The following VPS41 variants were observed in gnomAD, a reference collection of about 807,000 sequenced individuals.
VPS41 encodes the protein vacuolar protein sorting-associated protein 41 homolog.
A neutral mutation model predicts 130.9 loss-of-function variants in VPS41; 85 were observed. That is an observed-to-expected ratio of 0.65 (90% confidence interval 0.55 to 0.78). VPS41 has a LOEUF of 0.78. VPS41 is among the 30% of genes least tolerant of loss of function. VPS41 has a pLI of 0.00. For missense variants in VPS41, 874 were observed against 1,018.7 expected, an observed-to-expected ratio of 0.86 and a Z score of 1.93; for synonymous variants, 335 against 332.9, an observed-to-expected ratio of 1.01 and a Z score of -0.07.
intron 4 of VPS41, among the ~76,000 whole-genome samples, chr7:38,854,832 C>T (rs1163528007): frequency 2.3e-5 from 3 of 130,406 alleles, no homozygotes; most frequent in Non-Finnish European, 4.7e-5. Flanking sequence ...ACAAAAGTAC[C>T]GTACGTTCAA....
intron 7 of VPS41, among the ~76,000 whole-genome samples, chr7:38,803,062 C>A (rs182832587): frequency 1.3e-5 from 2 of 152,302 alleles, no homozygotes; most frequent in East Asian, 3.9e-4. Flanking sequence ...TCAATATGAG[C>A]CCTCACATCC....
intron 22 of VPS41, among the ~76,000 whole-genome samples, chr7:38,750,262 G>C (rs2286090): frequency 0.34 from 51,434 of 152,058 alleles, 9,398 homozygotes; most frequent in Admixed American, 0.55. Flanking sequence ...TGATAGGGTA[G>C]AGTGCTATGT....
intron 1 of VPS41, among the ~76,000 whole-genome samples, chr7:38,907,671 T>C (rs1185841144): frequency 6.6e-6 from 1 of 152,248 alleles, no homozygotes; most frequent in Non-Finnish European, 1.5e-5. Context: ...TAAATTCTTC[T>C]TCTGCACTAA....
chr7:38,892,824 A>G (rs1300237437), intron 2 of VPS41, among the ~76,000 whole-genome samples: 4 of 152,112 alleles, frequency 2.6e-5, no homozygotes, highest in Non-Finnish European at 4.4e-5. Context: ...TACTGTAACA[A>G]AGCTGAACTA....
intron 4 of VPS41, among the ~76,000 whole-genome samples, chr7:38,860,697 T>TTGTGTGTGTGTGTGTG (rs59007809): frequency 7.0e-6 from 1 of 143,396 alleles, no homozygotes; most frequent in African/African-American, 2.6e-5. Context: ...AACAATCTGT[T>TTGTGTGTGTGTGTGTG]TGTGTGTGTG....
chr7:38,835,773 C>T (rs1268731241), intron 4 of VPS41, among the ~76,000 whole-genome samples: 2 of 151,336 alleles, frequency 1.3e-5, no homozygotes, highest in Non-Finnish European at 3.0e-5. Context: ...CTTCATACTC[C>T]AATTGTAGTT....
Position 38,725,526 on chromosome 7 carries a change from G to C in VPS41, c.*720C>G, listed in dbSNP as rs1795519897. On this transcript the variant is annotated 3_prime_UTR_variant, in exon 29 of 29. Transcript: ENST00000310301. ...GGTGCCAGAATTCTTAACTGCATTT[G>C]TTTATCCCAGTAAAAGTGAGTCCTT... 1 of 152,320 alleles carries C rather than the reference G, an allele frequency of 6.6e-6. No homozygotes were observed. The highest frequency in any genetic ancestry group is 1.5e-5 in the Non-Finnish European group (1 of 68,044). 9.4% of individuals were successfully genotyped at this position (152,320 alleles called of 1,614,324 possible). A position where few individuals can be genotyped will look rare whatever the true frequency, so the allele number is the denominator to read the frequency against.
intron 7 of VPS41, among the ~76,000 whole-genome samples, chr7:38,804,440 T>C (rs1474903170): frequency 6.6e-6 from 1 of 152,192 alleles, no homozygotes; most frequent in African/African-American, 2.4e-5. Context: ...GGTATTTGGT[T>C]TTCCGTTCCT....
intron 22 of VPS41, among the ~76,000 whole-genome samples, chr7:38,746,990 G>A (rs1795997598): frequency 6.6e-6 from 1 of 152,114 alleles, no homozygotes. Context: ...ACACTTCCAC[G>A]TGACAGAAAA....
intron 10 of VPS41, among the ~76,000 whole-genome samples, chr7:38,781,180 TACATA>T (rs1356365157): frequency 1.3e-5 from 2 of 152,208 alleles, no homozygotes; most frequent in African/African-American, 4.8e-5. Context: ...ATTTTAATAA[TACATA>T]ACATACCTAA....
At chr7:38,822,929 G>A (rs1395616762) in intron 5 of VPS41, among the ~76,000 whole-genome samples, 3 of 152,180 alleles carry the variant, frequency 2.0e-5, no homozygotes, top group Admixed American at 6.5e-5. Flanking sequence ...TAGAGCCAAT[G>A]AGAACTATTT....
intron 7 of VPS41, among the ~76,000 whole-genome samples, chr7:38,814,644 T>G (rs1216736454): frequency 6.6e-6 from 1 of 152,012 alleles, no homozygotes; most frequent in Non-Finnish European, 1.5e-5. Flanking sequence ...AGCAAAACTC[T>G]GTCTCAAAAA....
chr7:38,745,126 A>G (rs1258458012), intron 23 of VPS41, among the ~76,000 whole-genome samples: 2 of 152,180 alleles, frequency 1.3e-5, no homozygotes, highest in Non-Finnish European at 2.9e-5. Flanking sequence ...CACCTAGATT[A>G]TATTAAAAAG....
At chr7:38,848,472 C>G (rs1339571205) in intron 4 of VPS41, among the ~76,000 whole-genome samples, 1 of 152,080 alleles carries the variant, frequency 6.6e-6, no homozygotes, top group Admixed American at 6.5e-5. Flanking sequence ...ATTATTAAAG[C>G]CAAACATATG....
intron 10 of VPS41, among the ~76,000 whole-genome samples, chr7:38,777,364 TTTCC>T (rs1784277961): frequency 7.3e-5 from 1 of 13,764 alleles, no homozygotes; most frequent in Admixed American, 8.9e-4. Context: ...TAAATTTCTC[TTTCC>T]TTTAAAAAAA....
At chr7:38,803,184 C>G (rs1324398810) in intron 7 of VPS41, among the ~76,000 whole-genome samples, 1 of 152,172 alleles carries the variant, frequency 6.6e-6, no homozygotes, top group Non-Finnish European at 1.5e-5. Context: ...ACATGTGTGG[C>G]AAGATTCTTA....
At chr7:38,776,441 G>A (rs1299974751) in intron 11 of VPS41, among the ~76,000 whole-genome samples, 2 of 152,022 alleles carry the variant, frequency 1.3e-5, no homozygotes, top group African/African-American at 2.4e-5. Context: ...AATATACCAA[G>A]AGAGGTCGAA....
intron 6 of VPS41, among the ~76,000 whole-genome samples, chr7:38,820,320 C>G (rs574287617): frequency 6.6e-6 from 1 of 152,160 alleles, no homozygotes; most frequent in African/African-American, 2.4e-5. Context: ...TCCACTCTGG[C>G]AAATTCAACT....
In VPS41 at chr7:38,743,650, A is replaced by G. The variant is rs149077484; in HGVS notation, c.1982-108T>C. 2.1e-5 allele frequency: 28 copies of G among 1,322,262 alleles called. No homozygotes were observed. In the African/African-American group the frequency reaches 3.0e-4, roughly 14 times the overall value. 81.9% of individuals were successfully genotyped at this position (1,322,262 alleles called of 1,614,324 possible). A position where few individuals can be genotyped will look rare whatever the true frequency, so the allele number is the denominator to read the frequency against. On this transcript the variant is annotated intron_variant, in intron 23 of 28. Coordinates refer to ENST00000310301, the MANE Select transcript of VPS41 (RefSeq NM_014396.4). Reference sequence around the variant, plus strand: ...GTTTACATAGGTGGAAAGCTAAGACAAGGCTATTTTCTCATGTGACACCAA... The same window carrying G: ...GTTTACATAGGTGGAAAGCTAAGACGAGGCTATTTTCTCATGTGACACCAA...
Sources: allele counts gnomAD v4.1 joint callset (sites outside exome capture counted in the v4.1 genomes callset), GRCh38; gene constraint gnomAD v4.1.1; transcripts MANE v1.5; gene names NCBI Gene and HGNC (gene_info 2026-07-23, HGNC 2026-07-21).